Variants in TM9SF3 observed in about 807,000 individuals in gnomAD.
The protein encoded by TM9SF3 is transmembrane 9 superfamily member 3, also known as SM-11044-binding protein.
TM9SF3 carries 14 observed loss-of-function variants against 78.6 expected under a neutral mutation model. The ratio of observed to expected loss-of-function variants is 0.18; its 90% CI spans 0.12 to 0.28. The LOEUF (loss-of-function observed/expected upper bound fraction) is 0.28. Ranked by LOEUF, TM9SF3 falls within the 10% of genes least tolerant of loss-of-function variation. The probability of loss-of-function intolerance (pLI) is 1.00; values close to 1 mark genes in which losing one functional copy is unlikely to be tolerated. For missense variants in TM9SF3, 496 were observed against 721.9 expected (o/e 0.69, Z 3.59); for synonymous variants, 231 against 241.7 (o/e 0.96, Z 0.41).
chr10:96,520,659 T>C lies in TM9SF3; in HGVS notation c.*1604A>G, dbSNP rs1472919481. The C allele has an allele frequency of 5.3e-6, 2 of 380,540 alleles. No homozygotes were observed. The highest frequency in any genetic ancestry group is 9.3e-6 in the Non-Finnish European group (2 of 213,928). The allele number at this position is 380,540 out of a possible 1,614,324, so 23.6% of individuals were successfully genotyped here. ...CATATTATGAATAGTTCCAGAAAAA[T>C]GTATTCAAATCACTTCTCTTACAAA... is the stretch of plus-strand genomic sequence containing the variant. On this transcript the variant is annotated 3_prime_UTR_variant, in exon 15 of 15. Coordinates refer to ENST00000371142, the MANE Select transcript of TM9SF3 (RefSeq NM_020123.4).
At chr10:96,585,954 G>A (rs1209834986) in intron 1 of TM9SF3, among the ~76,000 whole-genome samples, 3 of 152,182 alleles carry the variant, frequency 2.0e-5, no homozygotes, top group African/African-American at 4.8e-5. Context: ...TAAACAAACT[G>A]CCAATCACCT....
rs116120061 is a variant in TM9SF3, at chr10:96,547,160, C to A, written c.1054+735G>T. 5.2e-3 allele frequency among the ~76,000 whole-genome samples: 797 copies of A among 152,304 alleles called. 9 individuals are homozygous for A. The highest frequency in any genetic ancestry group is 0.018 in the African/African-American group (764 of 41,572). On this transcript the variant is annotated intron_variant, in intron 8 of 14. Coordinates refer to ENST00000371142, the MANE Select transcript of TM9SF3 (RefSeq NM_020123.4). Reference sequence around the variant, plus strand: ...TGACAAAGAATAGCAGAAATCTTTGCGAAGGGTCCTTTGATAAAACTAACA... The same window carrying A: ...TGACAAAGAATAGCAGAAATCTTTGAGAAGGGTCCTTTGATAAAACTAACA...
At chr10:96,558,335 T>G (rs1321908702) in intron 5 of TM9SF3, among the ~76,000 whole-genome samples, 1 of 152,088 alleles carries the variant, frequency 6.6e-6, no homozygotes, top group East Asian at 1.9e-4. Context: ...AGTAGTATGC[T>G]AAATCCTTCA....
chr10:96,565,625 A>G (rs1168835638), intron 2 of TM9SF3, among the ~76,000 whole-genome samples, 199 bp from the exon 3 acceptor site: 1 of 152,078 alleles, frequency 6.6e-6, no homozygotes, highest in Admixed American at 6.5e-5. Flanking sequence ...TTTTATAATG[A>G]AAAAATTTTA....
rs776244899 is a variant in TM9SF3 at position 96,559,634 on chromosome 10, G to A, written c.660+25C>T. On this transcript the variant is annotated intron_variant, in intron 5 of 14. Coordinates refer to ENST00000371142, the MANE Select transcript of TM9SF3 (RefSeq NM_020123.4). ...GAACGAATTGGTGCACATAATCAAT[G>A]TCTTAAAATACACTATTTACCTACC... 3 of 1,513,642 alleles carry A rather than the reference G, an allele frequency of 2.0e-6. No individual in the cohort carries two copies. The East Asian group carries it at 6.9e-5, about 35-fold the overall frequency. 93.8% of individuals were successfully genotyped at this position (1,513,642 alleles called of 1,614,324 possible). A position where few individuals can be genotyped will look rare whatever the true frequency, so the allele number is the denominator to read the frequency against.
rs1159135643 is a variant in TM9SF3, at chr10:96,520,749, C to T, written c.*1514G>A. ...ACTTTTACCCCATCCCCACTTTACACGGTACACCAACCTGAACAGATTTTG... is the reference window on the plus strand; with the variant it reads ...ACTTTTACCCCATCCCCACTTTACATGGTACACCAACCTGAACAGATTTTG... On this transcript the variant is annotated 3_prime_UTR_variant, in exon 15 of 15. Coordinates refer to ENST00000371142, the MANE Select transcript of TM9SF3 (RefSeq NM_020123.4). 2.5e-5 allele frequency: 10 copies of T among 392,896 alleles called. No individual in the cohort carries two copies. The highest frequency in any genetic ancestry group is 1.3e-4 in the South Asian group (1 of 7,528). The allele number at this position is 392,896 out of a possible 1,614,324, so 24.3% of individuals were successfully genotyped here. A position where few individuals can be genotyped will look rare whatever the true frequency, so the allele number is the denominator to read the frequency against.
At chr10:96,522,497 A>G (rs117239024) in intron 14 of TM9SF3, among the ~76,000 whole-genome samples, 167 bp from the exon 15 acceptor site, 1 of 151,874 alleles carries the variant, frequency 6.6e-6, no homozygotes, top group Non-Finnish European at 1.5e-5. Flanking sequence ...TTGCTTTGCA[A>G]ATCACCTGAT....
At chr10:96,534,167 T>C (rs1847928189) in intron 9 of TM9SF3, among the ~76,000 whole-genome samples, 1 of 152,204 alleles carries the variant, frequency 6.6e-6, no homozygotes, top group African/African-American at 2.4e-5. Flanking sequence ...CCAATATTAG[T>C]AAAAATTCTT....
chr10:96,522,880 T>A (rs771464405), intron 14 of TM9SF3, among the ~76,000 whole-genome samples: 2 of 151,830 alleles, frequency 1.3e-5, no homozygotes, highest in East Asian at 3.8e-4. Context: ...GTAGTAGGGA[T>A]GACATATTTG....
At chr10:96,540,554 T>G (rs1589450046) in intron 9 of TM9SF3, among the ~76,000 whole-genome samples, 1 of 152,106 alleles carries the variant, frequency 6.6e-6, no homozygotes, top group Non-Finnish European at 1.5e-5. Flanking sequence ...TCTTACTTTT[T>G]TTTGTTTATG....
chr10:96,533,273 A>T (rs1847918798), intron 9 of TM9SF3, 83 bp from the exon 10 acceptor site: 1 of 1,466,500 alleles, frequency 6.8e-7, no homozygotes, highest in South Asian at 1.4e-5. Flanking sequence ...ATTTAAACAC[A>T]ATTTGACCAC....
At chr10:96,559,538 C>T in intron 5 of TM9SF3, 121 bp downstream of exon 5, 1 of 594,378 alleles carries the variant, frequency 1.7e-6, no homozygotes, top group African/African-American at 1.9e-5. Flanking sequence ...TTTAAATCAC[C>T]ATTAGCTAAA....
chr10:96,564,930 A>G (rs1848352247), intron 3 of TM9SF3, among the ~76,000 whole-genome samples: 1 of 152,190 alleles, frequency 6.6e-6, no homozygotes, highest in South Asian at 2.1e-4. Context: ...CAGTACCAAC[A>G]TGAGAAAAAG....
Position 96,527,353 on chromosome 10 carries a change from T to C in TM9SF3, c.1625+60A>G, listed in dbSNP as rs1847850716. On this transcript the variant is annotated intron_variant, in intron 13 of 14. Transcript: ENST00000371142. Reference sequence around the variant, plus strand: ...ACTTTCAACTTAAGGCCTTAAATATTAGTATTTAAAGGACAAATTTAGTTT... The same window carrying C: ...ACTTTCAACTTAAGGCCTTAAATATCAGTATTTAAAGGACAAATTTAGTTT... The C allele has an allele frequency of 1.2e-5, 19 of 1,583,474 alleles. No homozygotes were observed. The South Asian group carries it at 2.2e-4, about 18-fold the overall frequency.
chr10:96,579,635 C>T (rs2134161796), intron 1 of TM9SF3, among the ~76,000 whole-genome samples: 1 of 152,230 alleles, frequency 6.6e-6, no homozygotes, highest in Admixed American at 6.5e-5. Flanking sequence ...ATTTTGTAGT[C>T]TAAGATTCTT....
At chr10:96,563,256 T>C (rs1848331035) in intron 3 of TM9SF3, among the ~76,000 whole-genome samples, 1 of 152,180 alleles carries the variant, frequency 6.6e-6, no homozygotes, top group South Asian at 2.1e-4. Flanking sequence ...TTTTATTTTT[T>C]TGTAGAGATG....
intron 14 of TM9SF3, among the ~76,000 whole-genome samples, chr10:96,526,090 C>CT (rs1360084749): frequency 6.6e-6 from 1 of 152,090 alleles, no homozygotes; most frequent in Non-Finnish European, 1.5e-5. Context: ...ACTGAATCCT[C>CT]TTTATAGCCC....
intron 5 of TM9SF3, 27 bp from the exon 6 acceptor site, chr10:96,553,086 C>G: frequency 1.3e-6 from 2 of 1,562,960 alleles, no homozygotes; most frequent in Non-Finnish European, 1.7e-6. Flanking sequence ...TAAAATGTTA[C>G]CAACCTGCAA....
intron 7 of TM9SF3, among the ~76,000 whole-genome samples, chr10:96,549,212 T>C (rs77408594): frequency 6.6e-6 from 1 of 152,336 alleles, no homozygotes; most frequent in African/African-American, 2.4e-5. Context: ...TTTCCTCTGA[T>C]TGCTATAGTG....
Sources: gnomAD v4.1 joint callset for allele counts (sites outside exome capture counted in the v4.1 genomes callset) on GRCh38, gnomAD v4.1.1 for gene constraint, MANE v1.5 for transcripts, NCBI Gene and HGNC (gene_info 2026-07-23, HGNC 2026-07-21) for gene names.